The following TMEM140 variants were observed in gnomAD, a reference collection of about 807,000 sequenced individuals.
TMEM140 encodes transmembrane protein 140.
For synonymous variants in TMEM140, 107 were observed against 106.8 expected (o/e 1.00, Z -0.01); for missense variants, 236 against 228.5 (o/e 1.03, Z -0.21).
intron 1 of TMEM140, among the ~76,000 whole-genome samples, chr7:135,162,991 A>C (rs1428051666): frequency 6.6e-6 from 1 of 152,260 alleles, no homozygotes; most frequent in Non-Finnish European, 1.5e-5. Context: ...GATCACTAAA[A>C]GATATTTCTA....
intron 1 of TMEM140, among the ~76,000 whole-genome samples, chr7:135,157,847 A>C (rs1829833237): frequency 6.6e-6 from 1 of 152,132 alleles, no homozygotes. Context: ...ACATTGCCTG[A>C]TTGTTAATTC....
At chr7:135,157,851 T>C (rs745380728) in intron 1 of TMEM140, among the ~76,000 whole-genome samples, 3 of 152,166 alleles carry the variant, frequency 2.0e-5, no homozygotes, top group Non-Finnish European at 2.9e-5. Flanking sequence ...TGCCTGATTG[T>C]TAATTCAGAC....
chr7:135,162,028 A>C (rs1225869573), intron 1 of TMEM140, among the ~76,000 whole-genome samples: 3 of 152,230 alleles, frequency 2.0e-5, no homozygotes, highest in East Asian at 3.8e-4. Flanking sequence ...CTGCCAAAGA[A>C]GTCGCTGGTC....
At chr7:135,163,707 A>G (rs1042960475) in intron 1 of TMEM140, among the ~76,000 whole-genome samples, 1 of 152,260 alleles carries the variant, frequency 6.6e-6, no homozygotes, top group Non-Finnish European at 1.5e-5. Context: ...ATTGTCAGGA[A>G]AAAATATGTA....
intron 1 of TMEM140, among the ~76,000 whole-genome samples, chr7:135,157,916 C>A (rs559747093): frequency 6.0e-4 from 91 of 152,134 alleles, no homozygotes; most frequent in Non-Finnish European, 1.1e-3. Flanking sequence ...GGCTTGTGAA[C>A]AGAGAAGGTG....
At chr7:135,159,020 C>T (rs1008497297) in intron 1 of TMEM140, among the ~76,000 whole-genome samples, 3 of 152,208 alleles carry the variant, frequency 2.0e-5, no homozygotes, top group East Asian at 1.9e-4. Flanking sequence ...GGTTTCCTTC[C>T]GTGGCCAAGA....
intron 1 of TMEM140, 126 bp downstream of exon 1, chr7:135,148,396 G>A (rs1829592970): frequency 3.2e-6 from 1 of 311,524 alleles, no homozygotes; most frequent in Non-Finnish European, 6.2e-6. Context: ...TGGTTGTTCA[G>A]TATCTGTGAC....
rs534941664 is a variant in TMEM140, at chr7:135,162,353, C to T, written c.-24-2065C>T. On this transcript the variant is annotated intron_variant, in intron 1 of 1. Transcript: ENST00000275767. ...CCAGGAGGCCATTTGGTATCATGGC[C>T]CCAGTACCTTGTGCCTCACAAAGCT... Among the ~76,000 whole-genome samples the T allele has an allele frequency of 4.6e-5, 7 of 152,294 alleles. No homozygotes were observed. The East Asian group carries it at 5.8e-4, about 13-fold the overall frequency.
intron 1 of TMEM140, among the ~76,000 whole-genome samples, chr7:135,162,211 C>T (rs924359177): frequency 6.6e-6 from 1 of 152,180 alleles, no homozygotes; most frequent in African/African-American, 2.4e-5. Context: ...GGGAGCTGTT[C>T]CCCCAGAGGG....
intron 1 of TMEM140, among the ~76,000 whole-genome samples, chr7:135,160,941 G>A (rs187268203): frequency 6.6e-6 from 1 of 152,188 alleles, no homozygotes; most frequent in Non-Finnish European, 1.5e-5. Flanking sequence ...TAGGAGCTGG[G>A]GGGTGGCTGA....
chr7:135,152,603 G>T (rs1275104379), intron 1 of TMEM140, among the ~76,000 whole-genome samples: 2 of 152,216 alleles, frequency 1.3e-5, no homozygotes, highest in South Asian at 2.1e-4. Context: ...ATTCTCAAGA[G>T]ATTTTGAGGT....
At position 135,164,783 on chromosome 7, in the gene TMEM140, G is replaced by A; in HGVS notation, c.342G>A (p.Arg114=). 6.2e-7 allele frequency: 1 copy of A among 1,614,184 alleles called. No individual in the cohort carries two copies. The highest frequency in any genetic ancestry group is 1.7e-5 in the Admixed American group (1 of 60,032). Residue 114 remains arginine, a synonymous_variant, in exon 2 of 2, where the codon CGG becomes CGA. Coordinates refer to ENST00000275767, the MANE Select transcript of TMEM140 (RefSeq NM_018295.5). ...AQCNSDERAW[R]LAVGFLAVSS... Reference sequence around the variant, plus strand: ...GCAACAGTGATGAGAGAGCGTGGCGGCTGGCAGTGGGCTTCCTGGCTGTGT... The same window carrying A: ...GCAACAGTGATGAGAGAGCGTGGCGACTGGCAGTGGGCTTCCTGGCTGTGT...
In TMEM140 at chr7:135,151,735, A is replaced by C. The variant is rs1255549651; in HGVS notation, c.-25+3465A>C. Among the ~76,000 whole-genome samples the C allele has an allele frequency of 6.6e-6, 1 of 152,206 alleles. No individual in the cohort carries two copies. Among genetic ancestry groups the C allele is most frequent in the Non-Finnish European group, 1.5e-5 (1 of 68,036 alleles). On this transcript the variant is annotated intron_variant, in intron 1 of 1. Transcript: ENST00000275767. This position sits in a 1 kb window ranked among gnomAD's most constrained non-coding sequence, Gnocchi z 4.3. ...AGGAACGTGACAACTGATGCATTAC[A>C]GATGAGGATGTGAGGCTCAGGCTGG...
rs1052555508 is a variant in TMEM140, at chr7:135,160,450, G to C, written c.-24-3968G>C. Among the ~76,000 whole-genome samples the C allele has an allele frequency of 3.9e-5, 6 of 152,350 alleles. No homozygotes were observed. In the South Asian group the frequency reaches 8.3e-4, roughly 21 times the overall value. ...ACCAGGGAAGGCCCATGGGGAAGTA[G>C]AGAAGAGTGTCATGGGGTTTCCAAC... On this transcript the variant is annotated intron_variant, in intron 1 of 1. Coordinates refer to ENST00000275767, the MANE Select transcript of TMEM140 (RefSeq NM_018295.5).
rs749680822 is a variant in TMEM140 at position 135,164,520 on chromosome 7, C to G, written c.79C>G (p.Leu27Val). The part of the protein sequence containing the change: ...IIVLVIVVIC[L>V]MFYALLWEAG... ...AGTCCTCGTGATTGTGGTCATCTGCCTGATGTTTTACGCTCTTCTCTGGGA... is the reference window on the plus strand; with the variant it reads ...AGTCCTCGTGATTGTGGTCATCTGCGTGATGTTTTACGCTCTTCTCTGGGA... The change falls in exon 2 of 2, where the codon CTG becomes GTG. Residue 27 changes from leucine (L) to valine (V), a missense_variant. Transcript: ENST00000275767. 1.2e-6 allele frequency: 2 copies of G among 1,614,020 alleles called. No homozygotes were observed. Among genetic ancestry groups the G allele is most frequent in the South Asian group, 1.1e-5 (1 of 91,084 alleles).
At chr7:135,154,729 A>G (rs1829746273) in intron 1 of TMEM140, among the ~76,000 whole-genome samples, 2 of 152,194 alleles carry the variant, frequency 1.3e-5, no homozygotes, top group Admixed American at 1.3e-4. Flanking sequence ...TATAATTTCA[A>G]TTTTTAAAAA....
rs752559433 is a variant in TMEM140 at position 135,164,492 on chromosome 7, C to G, written c.51C>G (p.Ile17Met). ...GCGACCAGCTGCTGTTCATGAGCAT[C>G]ATAGTCCTCGTGATTGTGGTCATCT... ...RWRDQLLFMS[I>M]IVLVIVVICL... Residue 17 changes from isoleucine (I) to methionine (M), a missense_variant, in exon 2 of 2, where the codon ATC (isoleucine) becomes ATG (methionine). Transcript: ENST00000275767. 1 of 1,611,644 alleles carries G rather than the reference C, an allele frequency of 6.2e-7. No homozygotes were observed. Among genetic ancestry groups the G allele is most frequent in the Non-Finnish European group, 8.5e-7 (1 of 1,177,808 alleles).
rs985728893 is a variant in TMEM140 at position 135,165,670 on chromosome 7, C to T, written c.*671C>T. The stretch of plus-strand genomic sequence containing the variant: ...CTGACAAATCACTCCCATGATGAGA[C>T]CCTGGAGGACTCCAAATCCTCGCTG... On this transcript the variant is annotated 3_prime_UTR_variant, in exon 2 of 2. Transcript: ENST00000275767. 4 of 167,018 alleles carry T rather than the reference C, an allele frequency of 2.4e-5. No homozygotes were observed. The highest frequency in any genetic ancestry group is 9.7e-5 in the African/African-American group (4 of 41,376). The allele number at this position is 167,018 out of a possible 1,614,324, so 10.3% of individuals were successfully genotyped here.
intron 1 of TMEM140, among the ~76,000 whole-genome samples, chr7:135,163,441 A>G (rs886821627): frequency 6.6e-6 from 1 of 152,118 alleles, no homozygotes; most frequent in Non-Finnish European, 1.5e-5. Context: ...CAGGAGTTCA[A>G]TCAAGACCAG....
Sources: allele counts gnomAD v4.1 joint callset (sites outside exome capture counted in the v4.1 genomes callset), GRCh38; gene constraint gnomAD v4.1.1; non-coding constraint Gnocchi (gnomAD v3.1); transcripts MANE v1.5; gene names NCBI Gene and HGNC (gene_info 2026-07-23, HGNC 2026-07-21).